KLHL1: variants seen among roughly 807,000 people sequenced by gnomAD.
KLHL1 encodes kelch-like protein 1.
A neutral mutation model predicts 77.7 loss-of-function variants in KLHL1; 47 were observed. That is an observed-to-expected ratio of 0.60 (90% CI 0.48 to 0.77). The LOEUF is 0.77. KLHL1 is among the 30% of genes least tolerant of loss of function. The probability of loss-of-function intolerance (pLI) is 0.00; values close to 1 mark genes in which losing one functional copy is unlikely to be tolerated. For synonymous variants in KLHL1, 360 were observed against 325.2 expected (o/e 1.11, Z -1.15); for missense variants, 925 against 910.8 (o/e 1.02, Z -0.20).
At chr13:69,878,357 C>T (rs139154621) in intron 5 of KLHL1, among the ~76,000 whole-genome samples, 1 of 151,962 alleles carries the variant, frequency 6.6e-6, no homozygotes, top group African/African-American at 2.4e-5. Context: ...TTGTAAGCAG[C>T]CCACATTGAG....
chr13:69,833,751 A>G (rs55857883), intron 6 of KLHL1, among the ~76,000 whole-genome samples: 6,510 of 141,714 alleles, frequency 0.046, 190 homozygotes, highest in African/African-American at 0.086. Flanking sequence ...ATAATGGTAT[A>G]TATATATATA....
At chr13:69,723,729 C>T (rs1335716884) in intron 8 of KLHL1, among the ~76,000 whole-genome samples, 1 of 152,112 alleles carries the variant, frequency 6.6e-6, no homozygotes, top group African/African-American at 2.4e-5. Context: ...CTGAATGCTG[C>T]TACTTGGAGA....
intron 1 of KLHL1, among the ~76,000 whole-genome samples, chr13:70,008,610 C>A (rs1351309530): frequency 6.6e-6 from 1 of 152,062 alleles, no homozygotes; most frequent in Admixed American, 6.6e-5. Context: ...GTTTTCCCAT[C>A]CATAATAGTG....
intron 9 of KLHL1, among the ~76,000 whole-genome samples, chr13:69,711,651 C>T (rs113954488): frequency 9.9e-5 from 15 of 152,080 alleles, no homozygotes; most frequent in Middle Eastern, 3.4e-3. Context: ...AACTGCATAA[C>T]GGTAATAATG....
At chr13:69,817,042 C>CTAT (rs1236446538) in intron 6 of KLHL1, among the ~76,000 whole-genome samples, 1 of 151,986 alleles carries the variant, frequency 6.6e-6, no homozygotes, top group Non-Finnish European at 1.5e-5. Flanking sequence ...TATTGTGAGA[C>CTAT]TATTTTACGT....
chr13:69,785,730 A>T (rs1876503176), intron 7 of KLHL1, among the ~76,000 whole-genome samples: 1 of 152,180 alleles, frequency 6.6e-6, no homozygotes, highest in African/African-American at 2.4e-5. Flanking sequence ...CTGCTTTTTG[A>T]AAAGATCAAC....
intron 10 of KLHL1, among the ~76,000 whole-genome samples, 159 bp downstream of exon 10, chr13:69,707,459 GAATGTAT>G (rs140919563): frequency 0.016 from 2,390 of 152,022 alleles, 74 homozygotes; most frequent in African/African-American, 0.054. Flanking sequence ...AAGTACACAA[GAATGTAT>G]AATGAACTTT....
At chr13:69,724,373 T>A (rs1247625868) in intron 8 of KLHL1, among the ~76,000 whole-genome samples, 2 of 152,098 alleles carry the variant, frequency 1.3e-5, no homozygotes, top group Non-Finnish European at 2.9e-5. Flanking sequence ...ACTTTCTAAA[T>A]TGACTGACAC....
intron 1 of KLHL1, among the ~76,000 whole-genome samples, chr13:70,033,030 A>AT (rs920566875): frequency 1.4e-4 from 22 of 152,090 alleles, no homozygotes; most frequent in African/African-American, 5.1e-4. Flanking sequence ...CTGTAAATAC[A>AT]TTTTTTCAAG....
intron 6 of KLHL1, among the ~76,000 whole-genome samples, chr13:69,802,175 G>A (rs979878149): frequency 1.1e-4 from 16 of 152,062 alleles, no homozygotes; most frequent in African/African-American, 3.9e-4. Context: ...CTTCATCCAT[G>A]TCCCTGCAAA....
intron 5 of KLHL1, among the ~76,000 whole-genome samples, chr13:69,867,974 C>A (rs1880435897): frequency 6.6e-6 from 1 of 151,854 alleles, no homozygotes; most frequent in Non-Finnish European, 1.5e-5. Flanking sequence ...GCACGTTGTG[C>A]ACATGTACCC....
intron 1 of KLHL1, among the ~76,000 whole-genome samples, chr13:70,064,181 C>T (rs1886954943): frequency 6.6e-6 from 1 of 151,956 alleles, no homozygotes; most frequent in African/African-American, 2.4e-5. Context: ...TTATTTTGGC[C>T]AGTTAGAAGA....
intron 2 of KLHL1, among the ~76,000 whole-genome samples, chr13:69,974,480 C>A (rs1034284271): frequency 1.3e-5 from 2 of 151,474 alleles, no homozygotes; most frequent in African/African-American, 2.4e-5. Context: ...AATAATTGCT[C>A]AACAGATTGG....
At chr13:69,800,314 C>A (rs1877318391) in intron 6 of KLHL1, among the ~76,000 whole-genome samples, 1 of 152,136 alleles carries the variant, frequency 6.6e-6, no homozygotes, top group African/African-American at 2.4e-5. Context: ...TTCTGTGTAA[C>A]ATAACATATT....
intron 4 of KLHL1, among the ~76,000 whole-genome samples, chr13:69,900,806 A>G (rs1013722589): frequency 1.3e-5 from 2 of 152,244 alleles, no homozygotes; most frequent in Non-Finnish European, 2.9e-5. Flanking sequence ...TGGCCTGTTT[A>G]GAAGGCATCT....
rs1165470915 is a variant in KLHL1, at chr13:70,001,652, AT to A, written c.498-25851del. 2.1e-3 allele frequency among the ~76,000 whole-genome samples: 258 copies of A among 123,394 alleles called. 1 individual carries two copies. Among genetic ancestry groups the A allele is most frequent in the African/African-American group, 7.2e-3 (246 of 34,272 alleles). The allele number at this position is 123,394 out of a possible 152,430, so 81.0% of individuals were successfully genotyped here. ...TTTCTACTGAAACATTGGGATATCT[AT>A]CTATTATCTATCTATCTATCTATCT... On this transcript the variant is annotated intron_variant, in intron 1 of 10. Coordinates refer to ENST00000377844, the MANE Select transcript of KLHL1 (RefSeq NM_020866.3).
chr13:69,926,416 C>T (rs2210449), intron 4 of KLHL1, among the ~76,000 whole-genome samples: 1 of 152,132 alleles, frequency 6.6e-6, no homozygotes, highest in South Asian at 2.1e-4. Context: ...CATCAATATA[C>T]CAACAAAGCA....
chr13:70,067,053 C>T (rs982170494), intron 1 of KLHL1, among the ~76,000 whole-genome samples: 1 of 152,136 alleles, frequency 6.6e-6, no homozygotes, highest in Non-Finnish European at 1.5e-5. Flanking sequence ...ATTAAGAGAA[C>T]GAAGTCCTGT....
At chr13:70,072,810 A>G (rs1887167620) in intron 1 of KLHL1, among the ~76,000 whole-genome samples, 3 of 152,056 alleles carry the variant, frequency 2.0e-5, no homozygotes, top group Admixed American at 2.0e-4. Flanking sequence ...TTGGTAAAAA[A>G]CTTTTATTTA....
Sources: allele counts gnomAD v4.1 joint callset (sites outside exome capture counted in the v4.1 genomes callset), GRCh38; gene constraint gnomAD v4.1.1; transcripts MANE v1.5; gene names NCBI Gene and HGNC (gene_info 2026-07-23, HGNC 2026-07-21).